The following BTBD1 variants were observed in gnomAD, a reference collection of about 807,000 sequenced individuals.
BTBD1 encodes BTB/POZ domain-containing protein 1.
In BTBD1, 34 loss-of-function variants were observed where a neutral mutation model predicts 48.0. That is an observed-to-expected ratio of 0.71 (90% CI 0.54 to 0.94). The LOEUF (loss-of-function observed/expected upper bound fraction) is 0.94. Among genes scored for constraint, BTBD1 ranks in the 40% least tolerant of loss-of-function variants. The pLI, the probability that BTBD1 is intolerant of heterozygous loss-of-function variation, is 0.00. For missense variants in BTBD1, 543 were observed against 625.6 expected (o/e 0.87, Z 1.41); for synonymous variants, 261 against 242.1 (o/e 1.08, Z -0.72).
At chr15:83,042,374 A>ATATATATATATATATATATATATG (rs1555440271) in intron 3 of BTBD1, among the ~76,000 whole-genome samples, 2 of 121,978 alleles carry the variant, frequency 1.6e-5, no homozygotes, top group African/African-American at 6.4e-5. Flanking sequence ...ATATATATAT[A>ATATATATATATATATATATATATG]TATGTATGTA....
chr15:83,054,041 G>A (rs774892481), intron 2 of BTBD1, among the ~76,000 whole-genome samples: 8 of 151,924 alleles, frequency 5.3e-5, no homozygotes, highest in Non-Finnish European at 8.8e-5. Flanking sequence ...TTTAAAAAGA[G>A]AATAAGGAGA....
At position 83,016,835 on chromosome 15, in the gene BTBD1, A is replaced by AT. The variant is rs1362478502; in HGVS notation, c.*1231dup. On this transcript the variant is annotated 3_prime_UTR_variant, in exon 8 of 8. Coordinates refer to ENST00000261721, the MANE Select transcript of BTBD1 (RefSeq NM_025238.4). ...AAGTGAAATATTACTTTAGATGAAA[A>AT]TTTTTTGTATCTTACTTAGAAAAAA... is the stretch of plus-strand genomic sequence containing the variant. 1 of 152,162 alleles carries AT rather than the reference A, an allele frequency of 6.6e-6. No homozygotes were observed. The highest frequency in any genetic ancestry group is 1.5e-5 in the Non-Finnish European group (1 of 68,034). The allele number at this position is 152,162 out of a possible 1,614,324, so 9.4% of individuals were successfully genotyped here. A position where few individuals can be genotyped will look rare whatever the true frequency, so the allele number is the denominator to read the frequency against.
intron 4 of BTBD1, among the ~76,000 whole-genome samples, chr15:83,038,098 A>G (rs1401795167): frequency 6.6e-6 from 1 of 152,138 alleles, no homozygotes; most frequent in African/African-American, 2.4e-5. Flanking sequence ...AAAAATAAAA[A>G]AAGTTCCACC....
intron 1 of BTBD1, among the ~76,000 whole-genome samples, chr15:83,063,455 C>T (rs1003869716): frequency 1.3e-5 from 2 of 152,198 alleles, no homozygotes; most frequent in Non-Finnish European, 2.9e-5. Context: ...TCATCATGTC[C>T]TTTGCTACCT....
Position 83,037,363 on chromosome 15 carries a change from T to C in BTBD1, c.862+4365A>G, listed in dbSNP as rs552988634. Among the ~76,000 whole-genome samples, 7 of 152,242 alleles carry C rather than the reference T, an allele frequency of 4.6e-5. No individual in the cohort carries two copies. In the South Asian group the frequency reaches 1.5e-3, roughly 32 times the overall value. ...TGAGCAACATGGCAAGACTTCATCT[T>C]TAAAACTAAAATAAAATCGAAAAAT... is the stretch of plus-strand genomic sequence containing the variant. On this transcript the variant is annotated intron_variant, in intron 4 of 7. Coordinates refer to ENST00000261721, the MANE Select transcript of BTBD1 (RefSeq NM_025238.4).
At chr15:83,035,007 G>A (rs371595709) in intron 4 of BTBD1, among the ~76,000 whole-genome samples, 82 of 152,210 alleles carry the variant, frequency 5.4e-4, no homozygotes, top group African/African-American at 1.9e-3. Context: ...TACAACTACC[G>A]TATGGGCCAG....
intron 2 of BTBD1, 56 bp downstream of exon 2, chr15:83,056,333 A>G: frequency 8.2e-7 from 1 of 1,213,042 alleles, no homozygotes; most frequent in Non-Finnish European, 1.2e-6. Context: ...ATGCCCATAT[A>G]TAGTTTACTC....
At chr15:83,030,954 C>T (rs2032504067) in intron 4 of BTBD1, among the ~76,000 whole-genome samples, 1 of 152,040 alleles carries the variant, frequency 6.6e-6, no homozygotes, top group African/African-American at 2.4e-5. Flanking sequence ...GGGCAAAGGA[C>T]ATGAAGAGAC....
intron 4 of BTBD1, among the ~76,000 whole-genome samples, chr15:83,037,803 C>T (rs2032657784): frequency 6.6e-6 from 1 of 152,192 alleles, no homozygotes; most frequent in South Asian, 2.1e-4. Flanking sequence ...TTCCACCAGG[C>T]CAGGTGCGGT....
intron 5 of BTBD1, among the ~76,000 whole-genome samples, chr15:83,025,533 T>TTA (rs1275057845): frequency 6.6e-6 from 1 of 152,082 alleles, no homozygotes; most frequent in African/African-American, 2.4e-5. Context: ...CTAATGTACT[T>TTA]TATAGTTCTT....
chr15:83,060,962 T>C (rs1205956508), intron 1 of BTBD1, among the ~76,000 whole-genome samples: 2 of 152,172 alleles, frequency 1.3e-5, no homozygotes, highest in Non-Finnish European at 2.9e-5. Flanking sequence ...ACTGTAATAG[T>C]GCTAGAGATA....
intron 5 of BTBD1, chr15:83,028,794 TA>T (rs1727906041): frequency 6.6e-6 from 1 of 152,172 alleles, no homozygotes; most frequent in Admixed American, 6.5e-5. Context: ...AGAATTAAAA[TA>T]AAAATGTCAG....
At chr15:83,038,312 C>T (rs2032671530) in intron 4 of BTBD1, among the ~76,000 whole-genome samples, 2 of 152,072 alleles carry the variant, frequency 1.3e-5, no homozygotes, top group Admixed American at 1.3e-4. Flanking sequence ...GGTATTTTTA[C>T]ATCCATACAT....
chr15:83,044,458 C>T, intron 3 of BTBD1: 1 of 1,577,468 alleles, frequency 6.3e-7, no homozygotes, highest in Non-Finnish European at 8.7e-7. Flanking sequence ...GTGGGAACTG[C>T]TTTGCGAAAA....
intron 3 of BTBD1, among the ~76,000 whole-genome samples, chr15:83,046,665 C>T (rs2032885485): frequency 6.6e-6 from 1 of 152,210 alleles, no homozygotes; most frequent in African/African-American, 2.4e-5. Flanking sequence ...GCTACCCTAA[C>T]AGGGAGGAAA....
chr15:83,063,509 A>T (rs2033208994), intron 1 of BTBD1, among the ~76,000 whole-genome samples: 1 of 152,202 alleles, frequency 6.6e-6, no homozygotes, highest in Admixed American at 6.5e-5. Context: ...TGCCTGGACT[A>T]CTGCAAAAGC....
chr15:83,047,897 T>C (rs1008259898), intron 3 of BTBD1, among the ~76,000 whole-genome samples: 2 of 152,228 alleles, frequency 1.3e-5, no homozygotes, highest in African/African-American at 2.4e-5. Context: ...TGCAAATGGA[T>C]GTGGGAAGAC....
chr15:83,044,355 G>C (rs189274212), intron 3 of BTBD1: 7 of 1,446,150 alleles, frequency 4.8e-6, no homozygotes, highest in Non-Finnish European at 6.6e-6. Flanking sequence ...ATGCCCGCCC[G>C]CCCGTGCCCA....
intron 4 of BTBD1, among the ~76,000 whole-genome samples, chr15:83,037,998 C>A (rs1677067440): frequency 6.6e-6 from 1 of 152,112 alleles, no homozygotes; most frequent in Admixed American, 6.5e-5. Context: ...GCAGGAGAAT[C>A]TCTTGAACCC....
Sources: allele counts gnomAD v4.1 joint callset (sites outside exome capture counted in the v4.1 genomes callset), GRCh38; gene constraint gnomAD v4.1.1; transcripts MANE v1.5; gene names NCBI Gene and HGNC (gene_info 2026-07-23, HGNC 2026-07-21).